The following DOCK10 variants were observed in gnomAD, a reference collection of about 807,000 sequenced individuals.
The protein encoded by DOCK10 is dedicator of cytokinesis protein 10.
A neutral mutation model predicts 280.1 loss-of-function variants in DOCK10; 145 were observed. The ratio of observed to expected loss-of-function variants is 0.52; its 90% CI spans 0.45 to 0.59. The LOEUF is 0.59. Ranked by LOEUF, DOCK10 falls within the 20% of genes least tolerant of loss-of-function variation. DOCK10 has a pLI of 0.00. For synonymous variants in DOCK10, 915 were observed against 942.2 expected (o/e 0.97, Z 0.53); for missense variants, 2,368 against 2,651.7 (o/e 0.89, Z 2.35).
chr2:225,010,832 T>C (rs1689413338), intron 1 of DOCK10, among the ~76,000 whole-genome samples: 1 of 152,176 alleles, frequency 6.6e-6, no homozygotes, highest in African/African-American at 2.4e-5. Flanking sequence ...CAAGGAAGCA[T>C]TCAGCCTCTA....
intron 19 of DOCK10, 34 bp downstream of exon 19, chr2:224,849,473 G>A (rs755504274): frequency 6.7e-7 from 1 of 1,485,016 alleles, no homozygotes; most frequent in South Asian, 1.2e-5. Flanking sequence ...CCTTTCTTAG[G>A]AACCGCTGGG....
chr2:225,041,874 G>A (rs1388067054), intron 1 of DOCK10, among the ~76,000 whole-genome samples: 1 of 152,146 alleles, frequency 6.6e-6, no homozygotes, highest in African/African-American at 2.4e-5. Flanking sequence ...GTTCTGTTCT[G>A]TAGATCCCCC....
intron 1 of DOCK10, among the ~76,000 whole-genome samples, chr2:224,981,025 A>G (rs575627059): frequency 6.6e-6 from 1 of 152,268 alleles, no homozygotes; most frequent in Admixed American, 6.5e-5. Context: ...GTATAGCATG[A>G]GCACTACACA....
At chr2:224,892,397 CAA>C (rs1174651393) in intron 4 of DOCK10, among the ~76,000 whole-genome samples, 9 of 52,250 alleles carry the variant, frequency 1.7e-4, no homozygotes, top group Middle Eastern at 0.033. Flanking sequence ...GACCCTGTCT[CAA>C]AAAAAAAAAA....
intron 4 of DOCK10, 46 bp downstream of exon 4, chr2:224,896,249 A>G: frequency 8.8e-7 from 1 of 1,133,052 alleles, no homozygotes. Context: ...AGAGGATGTC[A>G]TCTATATTTG....
intron 23 of DOCK10, among the ~76,000 whole-genome samples, chr2:224,840,369 A>G (rs1695884069): frequency 6.6e-6 from 1 of 152,224 alleles, no homozygotes; most frequent in Admixed American, 6.5e-5. Context: ...CATCTTAGAA[A>G]GGGTTAATAT....
chr2:225,018,624 T>C lies in DOCK10; in HGVS notation c.123+23628A>G, dbSNP rs866385027. ...TATATATAATATATATGTAATATTA[T>C]ATATATAATATATATGTAATATTAT... On this transcript the variant is annotated intron_variant, in intron 1 of 55. Coordinates refer to ENST00000258390, the MANE Select transcript of DOCK10 (RefSeq NM_014689.3). Among the ~76,000 whole-genome samples the C allele has an allele frequency of 3.4e-4, 4 of 11,606 alleles. 1 individual carries two copies. Among genetic ancestry groups the C allele is most frequent in the South Asian group, 6.0e-3 (1 of 166 alleles). 7.6% of individuals were successfully genotyped at this position (11,606 alleles called of 152,430 possible).
chr2:224,769,174 C>G (rs564786224), intron 55 of DOCK10, among the ~76,000 whole-genome samples: 7 of 152,184 alleles, frequency 4.6e-5, no homozygotes, highest in African/African-American at 1.7e-4. Context: ...ACTACCTCCA[C>G]GAGGAATCCT....
chr2:224,859,750 C>T (rs940394326), intron 14 of DOCK10, among the ~76,000 whole-genome samples: 3 of 152,184 alleles, frequency 2.0e-5, no homozygotes, highest in Admixed American at 6.5e-5. Flanking sequence ...ATCTAGAAAG[C>T]GTAACAGGAA....
intron 1 of DOCK10, among the ~76,000 whole-genome samples, chr2:225,017,714 A>C (rs1689654455): frequency 6.6e-6 from 1 of 151,974 alleles, no homozygotes; most frequent in Admixed American, 6.6e-5. Flanking sequence ...CCAAAAAAAA[A>C]AAAAAAGCAA....
In DOCK10 at chr2:224,797,134, A is replaced by G; in HGVS notation, c.4657T>C (p.Phe1553Leu). 1.2e-6 allele frequency: 2 copies of G among 1,602,556 alleles called. No homozygotes were observed. The highest frequency in any genetic ancestry group is 1.1e-5 in the South Asian group (1 of 88,280). Residue 1553 changes from phenylalanine to leucine, a missense_variant, in exon 43 of 56, where the codon TTC becomes CTC. By Grantham distance (22) the Phe-to-Leu change is conservative. Around this residue, in one of 2 missense-constraint regions of DOCK10, gnomAD observed 1,159 missense variants for 1,400.8 expected, o/e 0.83. Transcript: ENST00000258390. ...RLFVCKFPSA[F>L]FQGPADLCGS... ...CAGAGGTCAGCAGGCCCTTGAAAGAACGCTGAAGGAAACTGCAGAAATGGA... is the reference window on the plus strand; with the variant it reads ...CAGAGGTCAGCAGGCCCTTGAAAGAGCGCTGAAGGAAACTGCAGAAATGGA...
chr2:224,785,447 C>A (rs778504568), intron 50 of DOCK10, among the ~76,000 whole-genome samples: 3 of 152,128 alleles, frequency 2.0e-5, no homozygotes, highest in Non-Finnish European at 2.9e-5. Context: ...CTTATCTTTT[C>A]CAGGTAGAAA....
intron 1 of DOCK10, chr2:224,983,899 C>A: frequency 2.1e-6 from 1 of 470,686 alleles, no homozygotes; most frequent in Non-Finnish European, 4.4e-6. Context: ...GGGTGCTAAT[C>A]TAAACCATTT....
intron 50 of DOCK10, 145 bp from the exon 51 acceptor site, chr2:224,778,429 C>T (rs1273545290): frequency 2.6e-6 from 2 of 773,076 alleles, no homozygotes; most frequent in South Asian, 1.5e-5. Flanking sequence ...AATTCAAAAT[C>T]GGAGAAGAAA....
chr2:224,961,153 C>G (rs1218173149), intron 1 of DOCK10, among the ~76,000 whole-genome samples: 1 of 152,212 alleles, frequency 6.6e-6, no homozygotes, highest in Non-Finnish European at 1.5e-5. Context: ...CCTTGAGTAG[C>G]ATCCTCTCTT....
At chr2:225,029,105 C>T (rs912233257) in intron 1 of DOCK10, among the ~76,000 whole-genome samples, 3 of 152,304 alleles carry the variant, frequency 2.0e-5, no homozygotes, top group Middle Eastern at 3.4e-3. Flanking sequence ...CGTGGCATTG[C>T]TCTGTGACCC....
rs1703932226 is a variant in DOCK10, at chr2:224,954,460, T to G, written c.124-22792A>C. Among the ~76,000 whole-genome samples, 4 of 152,244 alleles carry G rather than the reference T, an allele frequency of 2.6e-5. No homozygotes were observed. In the South Asian group the frequency reaches 8.3e-4, roughly 32 times the overall value. The stretch of plus-strand genomic sequence containing the variant: ...TAGTTAATCACCCTTTTTGAAGTTT[T>G]TGATTTTTTTTTGCTAAAGGCATCC... On this transcript the variant is annotated intron_variant, in intron 1 of 55. Coordinates refer to ENST00000258390, the MANE Select transcript of DOCK10 (RefSeq NM_014689.3).
At position 224,931,656 on chromosome 2, in the gene DOCK10, T is replaced by C. The variant is rs926758396; in HGVS notation, c.136A>G (p.Arg46Gly). 6.2e-7 allele frequency: 1 copy of C among 1,605,376 alleles called. No homozygotes were observed. Among genetic ancestry groups the C allele is most frequent in the Non-Finnish European group, 8.5e-7 (1 of 1,175,758 alleles). The change falls in exon 2 of 56, where the codon AGG becomes GGG. Residue 46 changes from arginine to glycine, a missense_variant. Physicochemically the swap from Arg to Gly is moderately radical, Grantham distance 125. Transcript: ENST00000258390. ...TCATAATCCAAAGGCTCGAGAAGCCTAGGCTTTTCTTGCTGTAGAAAAAGA... is the reference window on the plus strand; with the variant it reads ...TCATAATCCAAAGGCTCGAGAAGCCCAGGCTTTTCTTGCTGTAGAAAAAGA... ...SRQQQRQEKP[R>G]LLEPLDYETV...
At chr2:224,911,491 A>G (rs1228502843) in intron 3 of DOCK10, among the ~76,000 whole-genome samples, 1 of 152,214 alleles carries the variant, frequency 6.6e-6, no homozygotes, top group East Asian at 1.9e-4. Context: ...TCCCCTGGAA[A>G]AGTAGCTACA....
Sources: allele counts gnomAD v4.1 joint callset (sites outside exome capture counted in the v4.1 genomes callset), GRCh38; gene constraint gnomAD v4.1.1; regional missense constraint gnomAD v4.1.1; transcripts MANE v1.5; gene names NCBI Gene and HGNC (gene_info 2026-07-23, HGNC 2026-07-21).